Variants in KAZN observed in about 807,000 individuals in gnomAD.
The protein encoded by KAZN is kazrin, periplakin interacting protein.
A neutral mutation model predicts 87.4 loss-of-function variants in KAZN; 40 were observed. That is an observed-to-expected ratio of 0.46 (90% CI 0.36 to 0.60). The LOEUF (loss-of-function observed/expected upper bound fraction) is 0.60. KAZN is among the 20% of genes least tolerant of loss of function. The probability of loss-of-function intolerance (pLI) is 0.00; values close to 1 mark genes in which losing one functional copy is unlikely to be tolerated. For synonymous variants in KAZN, 466 were observed against 458.3 expected (o/e 1.02, Z -0.22); for missense variants, 898 against 1,073.9 (o/e 0.84, Z 2.29).
At chr1:13,988,873 T>G (rs1210461699) in intron 1 of KAZN, among the ~76,000 whole-genome samples, 1 of 152,196 alleles carries the variant, frequency 6.6e-6, no homozygotes, top group Non-Finnish European at 1.5e-5. Context: ...TTGCAGACAA[T>G]CTCAGGAATT....
chr1:14,842,300 T>C (rs1648113858), intron 1 of KAZN, among the ~76,000 whole-genome samples: 1 of 152,246 alleles, frequency 6.6e-6, no homozygotes, highest in Admixed American at 6.5e-5. Context: ...GTTTTCTCTT[T>C]TCCCTCTGGT....
At position 14,065,612 on chromosome 1, in the gene KAZN, A is replaced by G. The variant is rs1178708808; in HGVS notation, c.92-114823A>G. On this transcript the variant is annotated intron_variant, in intron 1 of 16. Transcript: ENST00000636203. ...CCAAAGGAAAACTGCTTCAAACAGCACATAAGAGTAAATGTCTGATCTTCC... is the reference window on the plus strand; with the variant it reads ...CCAAAGGAAAACTGCTTCAAACAGCGCATAAGAGTAAATGTCTGATCTTCC... Among the ~76,000 whole-genome samples, 6 of 151,650 alleles carry G rather than the reference A, an allele frequency of 4.0e-5. No individual in the cohort carries two copies. In the East Asian group the frequency reaches 1.2e-3, roughly 29 times the overall value.
intron 2 of KAZN, among the ~76,000 whole-genome samples, chr1:14,358,691 C>T (rs900021335): frequency 1.1e-4 from 16 of 152,186 alleles, no homozygotes; most frequent in African/African-American, 3.9e-4. Flanking sequence ...ACCCAGTAGT[C>T]ATTCAGGAGT....
intron 2 of KAZN, among the ~76,000 whole-genome samples, chr1:14,343,857 A>C (rs143047880): frequency 0.023 from 3,537 of 152,268 alleles, 71 homozygotes; most frequent in Non-Finnish European, 0.035. Context: ...AACTCATCCA[A>C]TTAAAAACAC....
chr1:14,073,714 T>C (rs1462266136), intron 1 of KAZN, among the ~76,000 whole-genome samples: 1 of 152,206 alleles, frequency 6.6e-6, no homozygotes, highest in Non-Finnish European at 1.5e-5. Context: ...TCCGTGTCCC[T>C]GCAAAGGACA....
chr1:14,810,648 C>CAGG (rs71307001), intron 1 of KAZN, among the ~76,000 whole-genome samples: 10,244 of 152,258 alleles, frequency 0.067, 403 homozygotes, highest in Non-Finnish European at 0.09. Context: ...TAGTACCAAA[C>CAGG]TGCTAGCAAA....
intron 2 of KAZN, among the ~76,000 whole-genome samples, chr1:14,214,261 T>C (rs1646914290): frequency 6.6e-6 from 1 of 150,676 alleles, no homozygotes; most frequent in Non-Finnish European, 1.5e-5. Context: ...TACATCGTTA[T>C]CTGACATGAT....
At chr1:14,001,367 T>G (rs1270729739) in intron 1 of KAZN, among the ~76,000 whole-genome samples, 2 of 151,784 alleles carry the variant, frequency 1.3e-5, no homozygotes, top group Non-Finnish European at 2.9e-5. Context: ...CACAAACAAA[T>G]AAAAAAACAT....
intron 1 of KAZN, among the ~76,000 whole-genome samples, chr1:13,963,974 C>A (rs557171302): frequency 6.6e-6 from 1 of 152,258 alleles, no homozygotes; most frequent in East Asian, 1.9e-4. Context: ...AGAGTATCTA[C>A]CTCCTAATGC....
rs111476992 is a variant in KAZN, at chr1:14,199,943, TAGAA to T, written c.249+19355_249+19358del. On this transcript the variant is annotated intron_variant, in intron 2 of 16. Transcript: ENST00000636203. ...CCTTCCTTCTGCTTGGCCTTACTCT[TAGAA>T]AGAGCGCTACTGAAATTTAAGGAAG... Among the ~76,000 whole-genome samples, 95 of 152,048 alleles carry T rather than the reference TAGAA, an allele frequency of 6.2e-4. 1 individual carries two copies. Among genetic ancestry groups the T allele is most frequent in the African/African-American group, 2.1e-3 (88 of 41,500 alleles).
intron 1 of KAZN, among the ~76,000 whole-genome samples, chr1:14,955,805 C>T (rs1663022400): frequency 6.6e-6 from 1 of 152,216 alleles, no homozygotes; most frequent in Non-Finnish European, 1.5e-5. Context: ...CTGGCAGATG[C>T]CCTTCCTGTG....
At chr1:14,755,594 A>T (rs1190616102) in intron 1 of KAZN, among the ~76,000 whole-genome samples, 1 of 152,216 alleles carries the variant, frequency 6.6e-6, no homozygotes, top group Admixed American at 6.5e-5. Flanking sequence ...GGCAGAGAAG[A>T]AAATGAGATG....
At chr1:14,534,741 C>A (rs1672392603) in intron 2 of KAZN, among the ~76,000 whole-genome samples, 1 of 152,222 alleles carries the variant, frequency 6.6e-6, no homozygotes, top group African/African-American at 2.4e-5. Context: ...ACCAGGCTGT[C>A]TTTCCCAGGG....
intron 2 of KAZN, among the ~76,000 whole-genome samples, chr1:14,420,883 T>TCCCTCCACACCTCCCCTCCACACCTC (rs56088360): frequency 0.031 from 4,589 of 146,964 alleles, 102 homozygotes; most frequent in Non-Finnish European, 0.042. Flanking sequence ...CCCGCACCTC[T>TCCCTCCACACCTCCCCTCCACACCTC]CCCTCCACAC....
intron 1 of KAZN, among the ~76,000 whole-genome samples, chr1:14,884,866 G>A (rs1018775631): frequency 6.6e-6 from 1 of 152,220 alleles, no homozygotes; most frequent in Non-Finnish European, 1.5e-5. Flanking sequence ...AGCCATCAAA[G>A]AAGAAATACA....
At chr1:14,653,887 C>T (rs1282159409) in intron 1 of KAZN, among the ~76,000 whole-genome samples, 1 of 152,202 alleles carries the variant, frequency 6.6e-6, no homozygotes, top group Non-Finnish European at 1.5e-5. Flanking sequence ...TTCTCTGTTG[C>T]GTGGGGCTGC....
chr1:14,914,512 G>T (rs1657591637), intron 1 of KAZN, among the ~76,000 whole-genome samples: 1 of 152,206 alleles, frequency 6.6e-6, no homozygotes, highest in Non-Finnish European at 1.5e-5. Context: ...GCCACTGAGG[G>T]AGATGAGTTT....
At position 14,960,810 on chromosome 1, in the gene KAZN, C is replaced by T. The variant is rs777010506; in HGVS notation, c.353C>T (p.Thr118Ile). 6.2e-7 allele frequency: 1 copy of T among 1,613,032 alleles called. No individual in the cohort carries two copies. Among genetic ancestry groups the T allele is most frequent in the East Asian group, 2.2e-5 (1 of 44,892 alleles). ...AAGTCCTCTGAGGTCCTCTCGGCCA[C>T]CGAGCTCAGGGTCCAGCTGGCCCAG... ...GGKSSEVLSA[T>I]ELRVQLAQKE... Residue 118 changes from threonine (T) to isoleucine (I), a missense_variant, in exon 2 of 15, where the codon ACC (threonine) becomes ATC (isoleucine). By Grantham distance (89) the Thr-to-Ile change is moderately conservative. Coordinates refer to ENST00000376030, the MANE Select transcript of KAZN (RefSeq NM_201628.3).
intron 1 of KAZN, among the ~76,000 whole-genome samples, chr1:14,060,828 A>G (rs1021302907): frequency 6.6e-6 from 1 of 152,232 alleles, no homozygotes; most frequent in African/African-American, 2.4e-5. Flanking sequence ...GGCAAAATCC[A>G]GGACCATCTT....
Sources: gnomAD v4.1 joint callset for allele counts (sites outside exome capture counted in the v4.1 genomes callset) on GRCh38, gnomAD v4.1.1 for gene constraint, MANE v1.5 for transcripts, NCBI Gene and HGNC (gene_info 2026-07-23, HGNC 2026-07-21) for gene names.